The following ADAMTS17 variants were observed in gnomAD, a reference collection of about 807,000 sequenced individuals.
ADAMTS17 encodes ADAM metallopeptidase with thrombospondin type 1 motif 17, also known as A disintegrin and metalloproteinase with thrombospondin motifs 17.
Under a neutral mutation model 141.5 loss-of-function variants are expected in ADAMTS17, and 113 were observed. That is an observed-to-expected ratio of 0.80 (90% CI 0.69 to 0.93). The LOEUF (loss-of-function observed/expected upper bound fraction) is 0.93, where lower values mean the gene tolerates loss of function less well. ADAMTS17 is among the 40% of genes least tolerant of loss of function. The probability of loss-of-function intolerance (pLI) is 0.00; values close to 1 mark genes in which losing one functional copy is unlikely to be tolerated. For synonymous variants in ADAMTS17, 768 were observed against 630.6 expected, an observed-to-expected ratio of 1.22 and a Z score of -3.27; for missense variants, 1,659 against 1,517.9, an observed-to-expected ratio of 1.09 and a Z score of -1.54.
chr15:100,235,864 G>T (rs577483745), intron 7 of ADAMTS17, among the ~76,000 whole-genome samples: 10 of 152,160 alleles, frequency 6.6e-5, no homozygotes, highest in Non-Finnish European at 1.3e-4. Context: ...GAAACATGAG[G>T]ACAAGTAAAT....
chr15:100,154,821 C>T (rs932531610), intron 9 of ADAMTS17, among the ~76,000 whole-genome samples: 1 of 152,226 alleles, frequency 6.6e-6, no homozygotes. Flanking sequence ...CCTTCATCTC[C>T]ACACCAGGAA....
chr15:100,118,335 G>C (rs2037269855), intron 12 of ADAMTS17, among the ~76,000 whole-genome samples: 1 of 152,252 alleles, frequency 6.6e-6, no homozygotes, highest in Admixed American at 6.5e-5. Context: ...CTACCCAGTT[G>C]TCTTGGAGAA....
At chr15:100,239,469 G>A (rs969138685) in intron 7 of ADAMTS17, among the ~76,000 whole-genome samples, 7 of 150,142 alleles carry the variant, frequency 4.7e-5, no homozygotes, top group African/African-American at 7.6e-5. Context: ...GGAAAAGAAG[G>A]TGCAGATCTC....
At chr15:100,098,472 C>T (rs1354234616) in intron 14 of ADAMTS17, among the ~76,000 whole-genome samples, 1 of 152,024 alleles carries the variant, frequency 6.6e-6, no homozygotes, top group East Asian at 1.9e-4. Context: ...CATGGTGAAA[C>T]CCCGTCTCTA....
At chr15:100,092,510 A>G (rs2035530668) in intron 15 of ADAMTS17, among the ~76,000 whole-genome samples, 1 of 152,230 alleles carries the variant, frequency 6.6e-6, no homozygotes, top group Non-Finnish European at 1.5e-5. Flanking sequence ...TGAGAAAAAG[A>G]AATACGTTGT....
chr15:100,117,046 G>A (rs1396846168), intron 12 of ADAMTS17, 33 bp from the exon 13 acceptor site: 1 of 1,573,840 alleles, frequency 6.4e-7, no homozygotes, highest in African/African-American at 1.4e-5. Flanking sequence ...TGTTAACCAG[G>A]TGGTGCGACC....
intron 7 of ADAMTS17, among the ~76,000 whole-genome samples, chr15:100,238,671 T>C (rs2042734578): frequency 6.6e-6 from 1 of 152,208 alleles, no homozygotes; most frequent in African/African-American, 2.4e-5. Flanking sequence ...TGTGAGATAG[T>C]TTGATCCCAG....
intron 18 of ADAMTS17, among the ~76,000 whole-genome samples, chr15:100,031,936 G>A (rs985840845): frequency 6.6e-6 from 1 of 152,106 alleles, no homozygotes; most frequent in Non-Finnish European, 1.5e-5. Flanking sequence ...CGGGGAAGAG[G>A]AACAAGAAAA....
intron 3 of ADAMTS17, among the ~76,000 whole-genome samples, chr15:100,319,173 G>C (rs2045654077): frequency 6.6e-6 from 1 of 152,236 alleles, no homozygotes; most frequent in African/African-American, 2.4e-5. Context: ...TGGGGGCAGG[G>C]GGTGGCCTTG....
intron 3 of ADAMTS17, among the ~76,000 whole-genome samples, chr15:100,296,312 C>G (rs531313000): frequency 6.6e-6 from 1 of 151,812 alleles, no homozygotes; most frequent in East Asian, 1.9e-4. Flanking sequence ...AAATCACCTT[C>G]TTAACTGGAA....
intron 14 of ADAMTS17, 45 bp from the exon 15 acceptor site, chr15:100,096,521 G>T: frequency 1.2e-6 from 2 of 1,613,442 alleles, no homozygotes; most frequent in African/African-American, 1.3e-5. Context: ...AAGACTCAGA[G>T]GAGTTTTAAA....
chr15:100,023,153 T>A (rs1372621734), intron 18 of ADAMTS17, among the ~76,000 whole-genome samples: 1 of 152,168 alleles, frequency 6.6e-6, no homozygotes, highest in Non-Finnish European at 1.5e-5. Context: ...AACCAAGTTG[T>A]GTGATGTTTT....
chr15:99,989,747 T>C (rs1300700807), intron 20 of ADAMTS17, among the ~76,000 whole-genome samples: 1 of 152,200 alleles, frequency 6.6e-6, no homozygotes, highest in African/African-American at 2.4e-5. Flanking sequence ...GAAGCCCTAC[T>C]GATAAGACAA....
At chr15:100,162,914 G>A (rs1335964683) in intron 8 of ADAMTS17, among the ~76,000 whole-genome samples, 2 of 142,308 alleles carry the variant, frequency 1.4e-5, no homozygotes, top group South Asian at 2.2e-4. Context: ...ATATGTATAT[G>A]TGTATATATA....
At position 100,170,519 on chromosome 15, in the gene ADAMTS17, T is replaced by C. The variant is rs147339139; in HGVS notation, c.1182-15199A>G. ...ATCCAGCCACAGAAACTTGAAAAGA[T>C]ACATCAAATTGGGAACCATTGAAAG... On this transcript the variant is annotated intron_variant, in intron 8 of 21. Transcript: ENST00000268070. Among the ~76,000 whole-genome samples the C allele has an allele frequency of 2.6e-4, 39 of 152,332 alleles. No individual in the cohort carries two copies. In the East Asian group the frequency reaches 5.0e-3, roughly 20 times the overall value.
In ADAMTS17 at chr15:100,132,090, C is replaced by A. The variant is rs923285937; in HGVS notation, c.1638G>T (p.Trp546Cys). 6.2e-7 allele frequency: 1 copy of A among 1,614,068 alleles called. No homozygotes were observed. Among genetic ancestry groups the A allele is most frequent in the Admixed American group, 1.7e-5 (1 of 60,014 alleles). ...ACATGCTCCAGGCGCCCCACGGGCT[C>A]CAGTCTCCGTCCACATGCTCCGGGA... ...TPIPEHVDGD[W>C]SPWGAWSMCS... The change falls in exon 12 of 22, where the codon TGG becomes TGT. Residue 546 changes from tryptophan (W) to cysteine (C), a missense_variant. Trp to Cys is a radical substitution (Grantham distance 215). Coordinates refer to ENST00000268070, the MANE Select transcript of ADAMTS17 (RefSeq NM_139057.4).
In ADAMTS17 at chr15:100,071,479, T is replaced by C. The variant is rs981568801; in HGVS notation, c.2138-17425A>G. ...GACCAATATCCCTGATGAACATTGA[T>C]GCAAAAATCCTCAATAAAATACTGG... On this transcript the variant is annotated intron_variant, in intron 15 of 21. Transcript: ENST00000268070. Among the ~76,000 whole-genome samples the C allele has an allele frequency of 2.3e-4, 35 of 150,158 alleles. 1 individual carries two copies. Among genetic ancestry groups the C allele is most frequent in the African/African-American group, 8.4e-4 (34 of 40,560 alleles).
At chr15:100,265,900 G>A (rs899582992) in intron 4 of ADAMTS17, among the ~76,000 whole-genome samples, 12 of 152,184 alleles carry the variant, frequency 7.9e-5, no homozygotes, top group African/African-American at 2.9e-4. Context: ...CAGAGACCCT[G>A]GGTGTGGGCA....
At chr15:100,097,656 G>A (rs1476186317) in intron 14 of ADAMTS17, among the ~76,000 whole-genome samples, 3 of 152,232 alleles carry the variant, frequency 2.0e-5, no homozygotes, top group Non-Finnish European at 4.4e-5. Context: ...CTCATGGGGA[G>A]GGCTGTTAAA....
Sources: allele counts gnomAD v4.1 joint callset (sites outside exome capture counted in the v4.1 genomes callset), GRCh38; gene constraint gnomAD v4.1.1; transcripts MANE v1.5; gene names NCBI Gene and HGNC (gene_info 2026-07-23, HGNC 2026-07-21).